RBM33: variants seen among roughly 807,000 people sequenced by gnomAD.
The protein encoded by RBM33 is RNA binding motif protein 33.
Under a neutral mutation model 132.6 loss-of-function variants are expected in RBM33, and 28 were observed. The ratio of observed to expected loss-of-function variants is 0.21; its 90% CI spans 0.16 to 0.29. The LOEUF is 0.29. Ranked by LOEUF, RBM33 falls within the 10% of genes least tolerant of loss-of-function variation. RBM33 has a pLI of 1.00. For synonymous variants in RBM33, 634 were observed against 593.0 expected (o/e 1.07, Z -1.01); for missense variants, 1,291 against 1,518.5 (o/e 0.85, Z 2.49).
At chr7:155,694,234 T>C (rs1308219998) in intron 5 of RBM33, among the ~76,000 whole-genome samples, 1 of 152,232 alleles carries the variant, frequency 6.6e-6, no homozygotes, top group Non-Finnish European at 1.5e-5. Context: ...CCTTGGTTCA[T>C]ATAGAGAAAT....
intron 5 of RBM33, among the ~76,000 whole-genome samples, chr7:155,684,222 T>C (rs999823350): frequency 6.6e-6 from 1 of 152,206 alleles, no homozygotes; most frequent in African/African-American, 2.4e-5. Context: ...GGTTGTCTGC[T>C]TTGGAACCAT....
At chr7:155,694,840 T>C (rs1343646617) in intron 5 of RBM33, among the ~76,000 whole-genome samples, 1 of 152,210 alleles carries the variant, frequency 6.6e-6, no homozygotes, top group African/African-American at 2.4e-5. Context: ...TTTTTGTTAT[T>C]ATGAATAAAG....
chr7:155,718,369 G>C lies in RBM33; in HGVS notation c.1202-16G>C. 1 of 1,612,786 alleles carries C rather than the reference G, an allele frequency of 6.2e-7. No individual in the cohort carries two copies. The highest frequency in any genetic ancestry group is 8.5e-7 in the Non-Finnish European group (1 of 1,178,862). The stretch of plus-strand genomic sequence containing the variant: ...TGAGTAAAGTGTGTCTCTAACACAA[G>C]GGGTTTTTCTTGCAGTGCCCTTGCT... On this transcript the variant is annotated splice_polypyrimidine_tract_variant and intron_variant, in intron 8 of 17. Transcript: ENST00000401878.
intron 9 of RBM33, among the ~76,000 whole-genome samples, chr7:155,728,030 A>C (rs969505967): frequency 7.2e-5 from 11 of 152,182 alleles, no homozygotes; most frequent in African/African-American, 2.2e-4. Flanking sequence ...TTGGGGTCCC[A>C]AAGTGCTAAG....
At chr7:155,704,007 A>G (rs1040416639) in intron 6 of RBM33, among the ~76,000 whole-genome samples, 2 of 152,100 alleles carry the variant, frequency 1.3e-5, no homozygotes, top group African/African-American at 4.8e-5. Context: ...TTTAAGAGGG[A>G]GAATCAAATG....
rs1802765785 is a variant in RBM33, at chr7:155,780,171, A to C, written c.*5130A>C. 6.6e-6 allele frequency: 1 copy of C among 152,216 alleles called. No individual in the cohort carries two copies. Among genetic ancestry groups the C allele is most frequent in the African/African-American group, 2.4e-5 (1 of 41,460 alleles). The allele number at this position is 152,216 out of a possible 1,614,324, so 9.4% of individuals were successfully genotyped here. A position where few individuals can be genotyped will look rare whatever the true frequency, so the allele number is the denominator to read the frequency against. On this transcript the variant is annotated 3_prime_UTR_variant, in exon 18 of 18. Coordinates refer to ENST00000401878, the MANE Select transcript of RBM33 (RefSeq NM_053043.3). ...GAAGCTGGTTTTGCAAGGACTGTGT[A>C]AGCTGTATGCGTTCTAGCTGTATGC...
At chr7:155,751,344 C>G (rs1190834633) in intron 14 of RBM33, among the ~76,000 whole-genome samples, 1 of 152,148 alleles carries the variant, frequency 6.6e-6, no homozygotes, top group Non-Finnish European at 1.5e-5. Flanking sequence ...CACACAGATA[C>G]TCTCTTACAA....
chr7:155,679,206 G>A (rs1799270613), intron 4 of RBM33, among the ~76,000 whole-genome samples: 1 of 151,936 alleles, frequency 6.6e-6, no homozygotes, highest in African/African-American at 2.4e-5. Context: ...AAATCAGTAG[G>A]TCTTTCATTT....
chr7:155,766,265 G>A (rs1274670054), intron 15 of RBM33, among the ~76,000 whole-genome samples: 1 of 152,048 alleles, frequency 6.6e-6, no homozygotes, highest in Non-Finnish European at 1.5e-5. Context: ...CTCTTCCTCC[G>A]CCTACACTTA....
chr7:155,709,686 G>A (rs952910338), intron 7 of RBM33, among the ~76,000 whole-genome samples: 5 of 152,204 alleles, frequency 3.3e-5, no homozygotes, highest in Admixed American at 2.0e-4. Flanking sequence ...GGGTGTCCCT[G>A]TGTCTGTTAG....
chr7:155,722,492 A>C (rs1278869976), intron 9 of RBM33, among the ~76,000 whole-genome samples: 2 of 152,202 alleles, frequency 1.3e-5, no homozygotes, highest in African/African-American at 4.8e-5. Flanking sequence ...CTGTTTTACA[A>C]TTAAATTAAT....
At chr7:155,725,283 A>G (rs1284839724) in intron 9 of RBM33, among the ~76,000 whole-genome samples, 1 of 150,958 alleles carries the variant, frequency 6.6e-6, no homozygotes, top group East Asian at 1.9e-4. Flanking sequence ...AATGAATAAA[A>G]AAAAATTGAG....
chr7:155,768,346 C>T (rs1253735811), intron 16 of RBM33, among the ~76,000 whole-genome samples: 1 of 152,198 alleles, frequency 6.6e-6, no homozygotes, highest in Non-Finnish European at 1.5e-5. Context: ...TTGAATTTTG[C>T]ATTTTGTACC....
chr7:155,718,340 G>C, intron 8 of RBM33, 45 bp from the exon 9 acceptor site: 1 of 1,504,792 alleles, frequency 6.6e-7, no homozygotes, highest in Non-Finnish European at 9.3e-7. Context: ...AGGGGTTTGA[G>C]TGTTGAGTAA....
chr7:155,669,644 G>A (rs1798893332), intron 2 of RBM33, among the ~76,000 whole-genome samples: 1 of 152,200 alleles, frequency 6.6e-6, no homozygotes, highest in South Asian at 2.1e-4. Flanking sequence ...GAATCATCAT[G>A]CCTGGCCCAA....
chr7:155,700,857 T>C lies in RBM33; in HGVS notation c.652T>C (p.Leu218=), dbSNP rs761711456. Reference sequence around the variant, plus strand: ...AGAAGATGATGAAGAATCTGGACGATTACGTTTCAAAACTGAAAGGAAAGA... The same window carrying C: ...AGAAGATGATGAAGAATCTGGACGACTACGTTTCAAAACTGAAAGGAAAGA... ...EEEDDEESGR[L]RFKTERKEGT... Residue 218 remains leucine, a synonymous_variant, in exon 6 of 18, where the codon TTA becomes CTA. Transcript: ENST00000401878. 1 of 1,610,626 alleles carries C rather than the reference T, an allele frequency of 6.2e-7. No individual in the cohort carries two copies. The highest frequency in any genetic ancestry group is 1.1e-5 in the South Asian group (1 of 90,024).
rs572268377 is a variant in RBM33 at position 155,673,731 on chromosome 7, T to C, written c.171+816T>C. Among the ~76,000 whole-genome samples, 4 of 137,930 alleles carry C rather than the reference T, an allele frequency of 2.9e-5. No individual in the cohort carries two copies. The South Asian group carries it at 7.0e-4, about 24-fold the overall frequency. The allele number at this position is 137,930 out of a possible 152,430, so 90.5% of individuals were successfully genotyped here. On this transcript the variant is annotated intron_variant, in intron 3 of 17. Transcript: ENST00000401878. ...ACACGTGTATATATATACACACACA[T>C]ATATACATACACACGTGTATATACG... is the stretch of plus-strand genomic sequence containing the variant.
At position 155,655,203 on chromosome 7, in the gene RBM33, T is replaced by C. The variant is rs542586685; in HGVS notation, c.44-9972T>C. Among the ~76,000 whole-genome samples the C allele has an allele frequency of 2.6e-5, 4 of 152,364 alleles. No individual in the cohort carries two copies. The South Asian group carries it at 8.3e-4, about 32-fold the overall frequency. On this transcript the variant is annotated intron_variant, in intron 1 of 17. Transcript: ENST00000401878. Reference sequence around the variant, plus strand: ...TACACAGTGGCCATACCATATTGTATGATATTGGAGAATTCCCCCCCATTA... The same window carrying C: ...TACACAGTGGCCATACCATATTGTACGATATTGGAGAATTCCCCCCCATTA...
At chr7:155,760,205 C>T (rs990330919) in intron 14 of RBM33, among the ~76,000 whole-genome samples, 3 of 152,214 alleles carry the variant, frequency 2.0e-5, no homozygotes, top group Non-Finnish European at 2.9e-5. Context: ...AAACCACTGG[C>T]TTCTCTCAAG....
Sources: gnomAD v4.1 joint callset for allele counts (sites outside exome capture counted in the v4.1 genomes callset) on GRCh38, gnomAD v4.1.1 for gene constraint, MANE v1.5 for transcripts, NCBI Gene and HGNC (gene_info 2026-07-23, HGNC 2026-07-21) for gene names.